SEMA5A: variants seen among roughly 807,000 people sequenced by gnomAD.
SEMA5A encodes the protein semaphorin-5A.
A neutral mutation model predicts 135.5 loss-of-function variants in SEMA5A; 55 were observed. That is an observed-to-expected ratio of 0.41 (90% CI 0.33 to 0.51). SEMA5A has a LOEUF of 0.51. Among genes scored for constraint, SEMA5A ranks in the 20% least tolerant of loss-of-function variants. The pLI, the probability that SEMA5A is intolerant of heterozygous loss-of-function variation, is 0.37. For synonymous variants in SEMA5A, 580 were observed against 546.5 expected, an observed-to-expected ratio of 1.06 and a Z score of -0.85; for missense variants, 1,290 against 1,419.9, an observed-to-expected ratio of 0.91 and a Z score of 1.47.
At chr5:9,408,872 A>T (rs1334585844) in intron 2 of SEMA5A, among the ~76,000 whole-genome samples, 1 of 152,310 alleles carries the variant, frequency 6.6e-6, no homozygotes, top group Non-Finnish European at 1.5e-5. Flanking sequence ...AGAGATAGCC[A>T]GAGATTTTTC....
intron 5 of SEMA5A, among the ~76,000 whole-genome samples, chr5:9,259,576 G>C (rs917812727): frequency 6.6e-6 from 1 of 151,874 alleles, no homozygotes; most frequent in East Asian, 1.9e-4. Flanking sequence ...GGTCTGCTTG[G>C]TGCAGAGCTG....
At chr5:9,403,358 G>C (rs1756744103) in intron 2 of SEMA5A, among the ~76,000 whole-genome samples, 1 of 152,120 alleles carries the variant, frequency 6.6e-6, no homozygotes, top group Non-Finnish European at 1.5e-5. Flanking sequence ...AGAGACACAG[G>C]CAATGTTTGT....
chr5:9,477,750 A>G (rs1759724114), intron 1 of SEMA5A, among the ~76,000 whole-genome samples: 1 of 152,224 alleles, frequency 6.6e-6, no homozygotes, highest in Non-Finnish European at 1.5e-5. Flanking sequence ...CAAAGAGATG[A>G]TCTAAAATTG....
intron 5 of SEMA5A, among the ~76,000 whole-genome samples, chr5:9,280,575 T>C (rs533823273): frequency 6.3e-4 from 96 of 152,326 alleles, no homozygotes; most frequent in Non-Finnish European, 9.1e-4. Flanking sequence ...ATATCAAGGA[T>C]GACAATCTAA....
chr5:9,208,714 G>A (rs2067228914), intron 8 of SEMA5A, among the ~76,000 whole-genome samples: 1 of 152,154 alleles, frequency 6.6e-6, no homozygotes, highest in Non-Finnish European at 1.5e-5. Context: ...ACGGGAGGTG[G>A]AAAGCCAGGC....
At chr5:9,225,427 C>T (rs1287584562) in intron 7 of SEMA5A, among the ~76,000 whole-genome samples, 9 of 144,172 alleles carry the variant, frequency 6.2e-5, no homozygotes, top group African/African-American at 2.3e-4. Flanking sequence ...AAATTAGCCA[C>T]GCATGGTGGC....
intron 1 of SEMA5A, among the ~76,000 whole-genome samples, chr5:9,471,638 GT>G (rs1337443331): frequency 1.3e-5 from 2 of 152,186 alleles, no homozygotes; most frequent in African/African-American, 2.4e-5. Flanking sequence ...AGCAAAGAGA[GT>G]TTTTAAATAT....
intron 4 of SEMA5A, among the ~76,000 whole-genome samples, chr5:9,329,498 T>C (rs1300482806): frequency 6.6e-6 from 1 of 152,224 alleles, no homozygotes; most frequent in Non-Finnish European, 1.5e-5. Context: ...TCTTTGTTTC[T>C]CTAATGCCTA....
intron 1 of SEMA5A, among the ~76,000 whole-genome samples, chr5:9,511,649 C>A (rs1736211588): frequency 6.6e-6 from 1 of 152,128 alleles, no homozygotes; most frequent in East Asian, 1.9e-4. Context: ...ACTAAACAAA[C>A]TTATTGTATA....
chr5:9,186,420 C>A (rs1744813393), intron 11 of SEMA5A, among the ~76,000 whole-genome samples: 2 of 152,184 alleles, frequency 1.3e-5, no homozygotes, highest in African/African-American at 2.4e-5. Flanking sequence ...TGGTTTCCTC[C>A]CATTTGCATG....
chr5:9,395,625 C>T (rs529295097), intron 2 of SEMA5A, among the ~76,000 whole-genome samples: 1 of 152,320 alleles, frequency 6.6e-6, no homozygotes, highest in South Asian at 2.1e-4. Flanking sequence ...TGACACTTTC[C>T]ACTGTGACTT....
At chr5:9,182,063 C>A (rs1295668941) in intron 11 of SEMA5A, among the ~76,000 whole-genome samples, 4 of 152,076 alleles carry the variant, frequency 2.6e-5, no homozygotes, top group Non-Finnish European at 5.9e-5. Flanking sequence ...CTTCTTACCA[C>A]TGAAAGCCCT....
chr5:9,464,894 G>A (rs1435228880), intron 1 of SEMA5A, among the ~76,000 whole-genome samples: 2 of 152,242 alleles, frequency 1.3e-5, no homozygotes, highest in Non-Finnish European at 2.9e-5. Flanking sequence ...CAGCCACCAT[G>A]AAGGGAGGTC....
intron 1 of SEMA5A, among the ~76,000 whole-genome samples, chr5:9,530,627 T>A (rs1482341119): frequency 6.6e-6 from 1 of 152,178 alleles, no homozygotes; most frequent in African/African-American, 2.4e-5. Flanking sequence ...GAGAAATGAT[T>A]AATTAATTGC....
At position 9,051,996 on chromosome 5, in the gene SEMA5A, A is replaced by C. The variant is rs751587825; in HGVS notation, c.2722T>G (p.Cys908Gly). The C allele has an allele frequency of 6.2e-7, 1 of 1,613,382 alleles. No homozygotes were observed. The highest frequency in any genetic ancestry group is 1.1e-5 in the South Asian group (1 of 90,928). Residue 908 changes from cysteine (C) to glycine (G), a missense_variant, in exon 20 of 23, where the codon TGT (cysteine) becomes GGT (glycine). By Grantham distance (159) the Cys-to-Gly change is radical. Around this residue, in one of 3 missense-constraint regions of SEMA5A, gnomAD observed 1,029 missense variants for 1,086.6 expected, o/e 0.95. Transcript: ENST00000382496. Reference protein sequence around the residue: ...SWSEWSDWSECEASGVQVRAR... With the variant: ...SWSEWSDWSEGEASGVQVRAR... ...CGGACTTGGACGCCAGAGGCTTCAC[A>C]CTCAGACCAGTCCGACCACTCCGAC...
chr5:9,374,749 T>A (rs1755289145), intron 3 of SEMA5A, among the ~76,000 whole-genome samples: 1 of 152,032 alleles, frequency 6.6e-6, no homozygotes, highest in Non-Finnish European at 1.5e-5. Flanking sequence ...TGCCTACCCC[T>A]CTTCAGCCAA....
chr5:9,309,098 C>A (rs996891532), intron 5 of SEMA5A, among the ~76,000 whole-genome samples: 1 of 152,094 alleles, frequency 6.6e-6, no homozygotes, highest in African/African-American at 2.4e-5. Context: ...AAAATTTAAT[C>A]CTGGCAGAGA....
intron 5 of SEMA5A, chr5:9,280,728 G>C (rs1198510100): frequency 7.5e-6 from 2 of 265,030 alleles, no homozygotes; most frequent in Admixed American, 9.4e-5. Flanking sequence ...TTTACATGGA[G>C]GACTCTCAAG....
intron 3 of SEMA5A, among the ~76,000 whole-genome samples, chr5:9,359,525 A>G (rs998250130): frequency 4.6e-5 from 7 of 152,186 alleles, no homozygotes; most frequent in Non-Finnish European, 1.0e-4. Flanking sequence ...ACCAGACTGA[A>G]GCTGAGTTGA....
Sources: allele counts gnomAD v4.1 joint callset (sites outside exome capture counted in the v4.1 genomes callset), GRCh38; gene constraint gnomAD v4.1.1; regional missense constraint gnomAD v4.1.1; transcripts MANE v1.5; gene names NCBI Gene and HGNC (gene_info 2026-07-23, HGNC 2026-07-21).